The following SLC14A2 variants were observed in gnomAD, a reference collection of about 807,000 sequenced individuals.
The protein encoded by SLC14A2 is solute carrier family 14 member 2.
SLC14A2 carries 91 observed loss-of-function variants against 104.6 expected under a neutral mutation model. That is an observed-to-expected ratio of 0.87 (90% CI 0.73 to 1.04). SLC14A2 has a LOEUF of 1.04. Among genes scored for constraint, SLC14A2 ranks in the 50% least tolerant of loss-of-function variants. The pLI is 0.00. For missense variants in SLC14A2, 1,189 were observed against 1,156.0 expected, an observed-to-expected ratio of 1.03 and a Z score of -0.41; for synonymous variants, 476 against 466.4, an observed-to-expected ratio of 1.02 and a Z score of -0.27.
intron 1 of SLC14A2, among the ~76,000 whole-genome samples, chr18:45,324,839 G>T (rs1320275817): frequency 2.0e-5 from 3 of 151,786 alleles, no homozygotes; most frequent in African/African-American, 4.8e-5. Context: ...GACATTCTCT[G>T]TTGCAATATG....
chr18:45,246,390 A>G (rs1482709995), intron 1 of SLC14A2, among the ~76,000 whole-genome samples: 6 of 152,210 alleles, frequency 3.9e-5, no homozygotes, highest in Non-Finnish European at 8.8e-5. Flanking sequence ...GATGGTAAGA[A>G]GGGATAATGT....
chr18:45,179,008 T>C, the SLC14A2 span, among the ~76,000 whole-genome samples: 1 of 152,216 alleles, frequency 6.6e-6, no homozygotes, highest in East Asian at 1.9e-4. Context: ...AAATGTAACC[T>C]GGAGAATCCC....
chr18:45,511,730 T>C (rs530837012), intron 2 of SLC14A2, among the ~76,000 whole-genome samples: 4 of 152,310 alleles, frequency 2.6e-5, no homozygotes, highest in Admixed American at 2.0e-4. Flanking sequence ...CTAACCCAAG[T>C]GTCCCAATTT....
At chr18:45,212,692 C>T (rs1359731586), upstream of SLC14A2, among the ~76,000 whole-genome samples, 7 of 152,108 alleles carry the variant, frequency 4.6e-5, no homozygotes, top group Admixed American at 1.3e-4. Flanking sequence ...CACTCACAAC[C>T]GCATAGGTAA....
At chr18:45,373,500 A>G (rs771906942) in intron 1 of SLC14A2, among the ~76,000 whole-genome samples, 7 of 152,194 alleles carry the variant, frequency 4.6e-5, no homozygotes, top group Non-Finnish European at 7.3e-5. Context: ...TTAAAAACTC[A>G]TTAATCACCT....
At chr18:45,304,801 TG>T (rs776518882) in intron 1 of SLC14A2, among the ~76,000 whole-genome samples, 9 of 152,138 alleles carry the variant, frequency 5.9e-5, no homozygotes, top group Non-Finnish European at 1.3e-4. Flanking sequence ...ATTCAACAGC[TG>T]GAAAAGAGGA....
chr18:45,227,304 G>T (rs1428417257), intron 1 of SLC14A2, among the ~76,000 whole-genome samples: 1 of 152,144 alleles, frequency 6.6e-6, no homozygotes, highest in Non-Finnish European at 1.5e-5. Flanking sequence ...TCAAAAAGAA[G>T]GACAAAATGC....
At chr18:45,380,072 C>G (rs1480557413) in intron 1 of SLC14A2, among the ~76,000 whole-genome samples, 1 of 152,202 alleles carries the variant, frequency 6.6e-6, no homozygotes, top group East Asian at 1.9e-4. Context: ...ACTCATTCTT[C>G]TTATACCCTA....
intron 1 of SLC14A2, among the ~76,000 whole-genome samples, chr18:45,464,945 A>G (rs1425248648): frequency 6.6e-6 from 1 of 152,216 alleles, no homozygotes; most frequent in African/African-American, 2.4e-5. Flanking sequence ...CCGTGACAGC[A>G]TCATGGCAGT....
chr18:45,475,326 G>A (rs1455577370), intron 1 of SLC14A2, among the ~76,000 whole-genome samples: 7 of 152,012 alleles, frequency 4.6e-5, no homozygotes, highest in Non-Finnish European at 4.4e-5. Flanking sequence ...GCGATGTGGT[G>A]TTGAGAAGAA....
At chr18:45,405,308 A>T (rs916228884) in intron 1 of SLC14A2, among the ~76,000 whole-genome samples, 7 of 152,176 alleles carry the variant, frequency 4.6e-5, no homozygotes, top group Non-Finnish European at 7.3e-5. Context: ...AAGCCAGGAG[A>T]GGTTCAAGTA....
chr18:45,526,054 G>C (rs1242114827), intron 2 of SLC14A2, among the ~76,000 whole-genome samples: 2 of 152,190 alleles, frequency 1.3e-5, no homozygotes, highest in Non-Finnish European at 1.5e-5. Context: ...GTTAAATAAA[G>C]AAAGAAGGCA....
chr18:45,355,310 TCA>T (rs1568164725), intron 1 of SLC14A2, among the ~76,000 whole-genome samples: 1 of 152,108 alleles, frequency 6.6e-6, no homozygotes, highest in Non-Finnish European at 1.5e-5. Context: ...GCGCGGTGGC[TCA>T]CACCTGTAAT....
intron 1 of SLC14A2, among the ~76,000 whole-genome samples, chr18:45,475,611 ATATT>A (rs1165975017): frequency 1.0e-5 from 1 of 100,372 alleles, no homozygotes; most frequent in African/African-American, 3.5e-5. Flanking sequence ...GGTTATATAT[ATATT>A]TAGGATATAT....
chr18:45,683,147 G>T lies in SLC14A2; in HGVS notation c.*628G>T, dbSNP rs1447363957. On this transcript the variant is annotated 3_prime_UTR_variant, in exon 20 of 20. Coordinates refer to ENST00000255226, the MANE Select transcript of SLC14A2 (RefSeq NM_007163.4). ...GAAAGGGATAGAGGTCAGTGACATG[G>T]TCATCACACAACTCGGTCATTTAAT... The T allele has an allele frequency of 6.5e-6, 1 of 153,542 alleles. No homozygotes were observed. Among genetic ancestry groups the T allele is most frequent in the East Asian group, 1.9e-4 (1 of 5,204 alleles). The allele number at this position is 153,542 out of a possible 1,614,324, so 9.5% of individuals were successfully genotyped here.
At chr18:45,277,316 C>T (rs550651997) in intron 1 of SLC14A2, among the ~76,000 whole-genome samples, 2 of 152,190 alleles carry the variant, frequency 1.3e-5, no homozygotes, top group South Asian at 2.1e-4. Flanking sequence ...AAGCCCAACA[C>T]ATTATAAGAT....
At chr18:45,372,432 T>C (rs1264539493) in intron 1 of SLC14A2, among the ~76,000 whole-genome samples, 1 of 152,188 alleles carries the variant, frequency 6.6e-6, no homozygotes, top group Non-Finnish European at 1.5e-5. Context: ...ACATAGCTTC[T>C]TAGATGGGAA....
intron 13 of SLC14A2, 55 bp from the exon 14 acceptor site, chr18:45,667,778 C>A: frequency 6.7e-7 from 1 of 1,488,810 alleles, no homozygotes; most frequent in Non-Finnish European, 9.3e-7. Context: ...CATCTGCCCA[C>A]CCAGGGCTGC....
At chr18:45,274,346 C>T (rs747171712) in intron 1 of SLC14A2, among the ~76,000 whole-genome samples, 24 of 152,288 alleles carry the variant, frequency 1.6e-4, no homozygotes, top group Admixed American at 7.9e-4. Context: ...TCTAAACAAT[C>T]TACTAAGCTG....
Sources: allele counts gnomAD v4.1 joint callset (sites outside exome capture counted in the v4.1 genomes callset), GRCh38; gene constraint gnomAD v4.1.1; transcripts MANE v1.5; gene names NCBI Gene and HGNC (gene_info 2026-07-23, HGNC 2026-07-21).